The following SIMC1 variants were observed in gnomAD, a reference collection of about 807,000 sequenced individuals.
SIMC1 encodes SUMO interacting motifs containing 1.
In SIMC1, 55 loss-of-function variants were observed where a neutral mutation model predicts 82.3. That is an observed-to-expected ratio of 0.67 (90% CI 0.54 to 0.84). The LOEUF (loss-of-function observed/expected upper bound fraction) is 0.84. Ranked by LOEUF, SIMC1 falls within the 40% of genes least tolerant of loss-of-function variation. The pLI, the probability that SIMC1 is intolerant of heterozygous loss-of-function variation, is 0.00. For synonymous variants in SIMC1, 353 were observed against 426.3 expected (o/e 0.83, Z 2.12); for missense variants, 915 against 1,107.2 (o/e 0.83, Z 2.46).
chr5:176,245,191 C>T (rs1423069676), intron 1 of SIMC1, among the ~76,000 whole-genome samples: 6 of 152,076 alleles, frequency 3.9e-5, no homozygotes, highest in Admixed American at 2.6e-4. Flanking sequence ...GAGGTTGTGC[C>T]GAGTAGAGTG....
chr5:176,274,962 T>C (rs1762619931), intron 1 of SIMC1, among the ~76,000 whole-genome samples: 1 of 151,948 alleles, frequency 6.6e-6, no homozygotes, highest in Non-Finnish European at 1.5e-5. Flanking sequence ...CGATGTGGGC[T>C]CTTTTTTGGT....
chr5:176,276,681 A>C (rs1307257277), intron 1 of SIMC1, among the ~76,000 whole-genome samples: 1 of 143,100 alleles, frequency 7.0e-6, no homozygotes, highest in Non-Finnish European at 1.5e-5. Context: ...CCCACCTATG[A>C]GTGAGAATAT....
intron 1 of SIMC1, among the ~76,000 whole-genome samples, chr5:176,248,244 G>C (rs918579573): frequency 2.6e-5 from 4 of 152,088 alleles, no homozygotes; most frequent in Non-Finnish European, 5.9e-5. Flanking sequence ...CATGAGCATG[G>C]AATGTTTTTC....
chr5:176,241,910 T>C (rs1761287776), intron 1 of SIMC1, among the ~76,000 whole-genome samples: 1 of 152,004 alleles, frequency 6.6e-6, no homozygotes, highest in African/African-American at 2.4e-5. Context: ...ACGGTACATC[T>C]CAAGCGATTC....
chr5:176,286,797 C>G (rs537044732), intron 1 of SIMC1, among the ~76,000 whole-genome samples: 1 of 152,058 alleles, frequency 6.6e-6, no homozygotes, highest in South Asian at 2.1e-4. Context: ...AAAAAATCAA[C>G]CCTATCAAAA....
intron 4 of SIMC1, among the ~76,000 whole-genome samples, chr5:176,299,832 C>T (rs1204347417): frequency 3.3e-5 from 5 of 152,192 alleles, no homozygotes; most frequent in Non-Finnish European, 5.9e-5. Context: ...ACACATTCTT[C>T]TCAAGTGTAC....
rs140278139 is a variant in SIMC1, at chr5:176,324,700, A to G, written c.2114A>G (p.Asn705Ser). 60 of 1,605,064 alleles carry G rather than the reference A, an allele frequency of 3.7e-5. No homozygotes were observed. Among genetic ancestry groups the G allele is most frequent in the Middle Eastern group, 3.3e-4 (2 of 6,050 alleles). The change falls in exon 7 of 10, where the codon AAT becomes AGT. Residue 705 changes from asparagine (N) to serine (S), a missense_variant. This residue lies in a region of SIMC1 where 902 missense variants were observed against 1,040.3 expected (regional missense o/e 0.87). Transcript: ENST00000429602. ...EVDRTPTCSS[N>S]KIAEMMFGFV... ...GACAGGACCCCCACCTGCAGCTCCA[A>G]TAAAATTGCCGAGATGATGTTTGGG...
chr5:176,314,841 C>T (rs907800358), intron 5 of SIMC1, among the ~76,000 whole-genome samples: 2 of 152,146 alleles, frequency 1.3e-5, no homozygotes, highest in African/African-American at 4.8e-5. Context: ...AAGTACCCAA[C>T]AAACATTCTG....
chr5:176,260,509 CTT>C (rs1436968099), intron 1 of SIMC1, among the ~76,000 whole-genome samples: 1 of 151,848 alleles, frequency 6.6e-6, no homozygotes, highest in Non-Finnish European at 1.5e-5. Context: ...TAGCCAGTCT[CTT>C]ATTGATTTTA....
At chr5:176,309,352 C>T (rs953256073) in intron 4 of SIMC1, among the ~76,000 whole-genome samples, 8 of 152,190 alleles carry the variant, frequency 5.3e-5, no homozygotes, top group African/African-American at 1.9e-4. Context: ...ACTTAAACCT[C>T]ACATCTTATA....
chr5:176,260,079 A>G (rs1483333867), intron 1 of SIMC1, among the ~76,000 whole-genome samples: 1 of 151,616 alleles, frequency 6.6e-6, no homozygotes, highest in Non-Finnish European at 1.5e-5. Flanking sequence ...TTCATACCTC[A>G]TTCAGACCAT....
intron 1 of SIMC1, among the ~76,000 whole-genome samples, chr5:176,275,808 C>G (rs1319867112): frequency 6.6e-6 from 1 of 151,664 alleles, no homozygotes; most frequent in African/African-American, 2.4e-5. Flanking sequence ...AGCCTTGCAT[C>G]CCAGGGATGA....
chr5:176,290,550 G>C lies in SIMC1; in HGVS notation c.1026G>C (p.Val342=), dbSNP rs755439835. 2.4e-5 allele frequency: 38 copies of C among 1,613,848 alleles called. No homozygotes were observed. The highest frequency in any genetic ancestry group is 3.2e-5 in the Non-Finnish European group (38 of 1,179,882). ...GCATGCCACACTTACCGGGAGATGT[G>C]TTACATTCACCTGGAGACATGCCAC... is the stretch of plus-strand genomic sequence containing the variant. ...PGGMPHLPGD[V]LHSPGDMPHS... The change falls in exon 2 of 10, where the codon GTG becomes GTC. Residue 342 remains valine, a synonymous_variant. Coordinates refer to ENST00000429602, the MANE Select transcript of SIMC1 (RefSeq NM_001308195.2).
chr5:176,311,895 G>C (rs530927436), intron 4 of SIMC1, among the ~76,000 whole-genome samples: 59 of 152,304 alleles, frequency 3.9e-4, no homozygotes, highest in African/African-American at 1.2e-3. Flanking sequence ...AGAAGATAAA[G>C]TTTGGGAGAT....
At chr5:176,281,304 G>A (rs537968514) in intron 1 of SIMC1, among the ~76,000 whole-genome samples, 47 of 152,188 alleles carry the variant, frequency 3.1e-4, no homozygotes, top group Admixed American at 7.9e-4. Context: ...GCACTTCTCT[G>A]TATTGGTTAT....
At chr5:176,335,780 C>T (rs1765864114) in intron 7 of SIMC1, among the ~76,000 whole-genome samples, 1 of 152,048 alleles carries the variant, frequency 6.6e-6, no homozygotes, top group African/African-American at 2.4e-5. Flanking sequence ...CAGTGGCTCA[C>T]GCCTGTAATC....
chr5:176,299,919 T>C (rs1394977164), intron 4 of SIMC1, among the ~76,000 whole-genome samples: 4 of 152,188 alleles, frequency 2.6e-5, no homozygotes, highest in Non-Finnish European at 2.9e-5. Flanking sequence ...ATCAATATTA[T>C]ACTAAGTATC....
At chr5:176,288,980 A>T (rs1012733693) in intron 1 of SIMC1, among the ~76,000 whole-genome samples, 2 of 152,136 alleles carry the variant, frequency 1.3e-5, no homozygotes, top group African/African-American at 4.8e-5. Context: ...TAGGGCTCAG[A>T]CTTACACTAT....
chr5:176,303,836 CAT>C (rs2113305781), intron 4 of SIMC1, among the ~76,000 whole-genome samples: 1 of 152,198 alleles, frequency 6.6e-6, no homozygotes, highest in South Asian at 2.1e-4. Context: ...CTCTGAATGT[CAT>C]AGGAAAAAGT....
Sources: allele counts gnomAD v4.1 joint callset (sites outside exome capture counted in the v4.1 genomes callset), GRCh38; gene constraint gnomAD v4.1.1; regional missense constraint gnomAD v4.1.1; transcripts MANE v1.5; gene names NCBI Gene and HGNC (gene_info 2026-07-23, HGNC 2026-07-21).